NF1: variants seen among roughly 807,000 people sequenced by gnomAD.
NF1 encodes the protein neurofibromin.
NF1 carries 122 observed loss-of-function variants against 325.7 expected under a neutral mutation model. The ratio of observed to expected loss-of-function variants is 0.37; its 90% CI spans 0.32 to 0.44. NF1 has a LOEUF of 0.44. Among genes scored for constraint, NF1 ranks in the 20% least tolerant of loss-of-function variants. The pLI is 1.00. For synonymous variants in NF1, 1,091 were observed against 1,186.0 expected, an observed-to-expected ratio of 0.92 and a Z score of 1.65; for missense variants, 2,140 against 3,415.4, an observed-to-expected ratio of 0.63 and a Z score of 9.31.
intron 5 of NF1, among the ~76,000 whole-genome samples, chr17:31,170,415 G>A (rs530838718): frequency 4.6e-5 from 7 of 152,204 alleles, no homozygotes; most frequent in Non-Finnish European, 1.0e-4. Context: ...AGATTGTGAT[G>A]TTATGGTGAG....
intron 1 of NF1, among the ~76,000 whole-genome samples, chr17:31,120,218 A>G (rs1485416315): frequency 6.6e-6 from 1 of 152,178 alleles, no homozygotes; most frequent in East Asian, 1.9e-4. Context: ...CATTTTCATG[A>G]TATCGATTCT....
chr17:31,122,434 T>C (rs1189588136), intron 1 of NF1, among the ~76,000 whole-genome samples: 1 of 152,198 alleles, frequency 6.6e-6, no homozygotes, highest in African/African-American at 2.4e-5. Flanking sequence ...ATCCCAAAAG[T>C]TGTTTTGAAG....
rs374046990 is a variant in NF1 at position 31,337,635 on chromosome 17, T to C, written c.6642+53T>C. On this transcript the variant is annotated intron_variant, in intron 43 of 57. Transcript: ENST00000358273. ...AAGTTAAAATCTTTTTTTAAAAATA[T>C]GTTAATACTATATAGAAGAAATATT... is the stretch of plus-strand genomic sequence containing the variant. 7.2e-6 allele frequency: 11 copies of C among 1,521,108 alleles called. No individual in the cohort carries two copies. Among genetic ancestry groups the C allele is most frequent in the Admixed American group, 3.4e-5 (2 of 58,242 alleles). 94.2% of individuals were successfully genotyped at this position (1,521,108 alleles called of 1,614,324 possible). A position where few individuals can be genotyped will look rare whatever the true frequency, so the allele number is the denominator to read the frequency against.
At chr17:31,262,736 G>T (rs924405841) in intron 35 of NF1, among the ~76,000 whole-genome samples, 15 of 151,706 alleles carry the variant, frequency 9.9e-5, no homozygotes, top group African/African-American at 1.5e-4. Context: ...AGAATGTATG[G>T]GTATATAGTG....
chr17:31,254,821 C>T (rs1055144894), intron 31 of NF1, among the ~76,000 whole-genome samples: 8 of 151,960 alleles, frequency 5.3e-5, no homozygotes, highest in South Asian at 4.2e-4. Flanking sequence ...ACAGGTAATA[C>T]GAGCTCCTCA....
chr17:31,197,293 G>C (rs2066451417), intron 8 of NF1, among the ~76,000 whole-genome samples: 1 of 148,664 alleles, frequency 6.7e-6, no homozygotes, highest in East Asian at 2.0e-4. Context: ...TGATCTGCCC[G>C]CCTCGACCTC....
intron 8 of NF1, among the ~76,000 whole-genome samples, chr17:31,200,217 G>T (rs2066501657): frequency 8.1e-6 from 1 of 123,438 alleles, no homozygotes; most frequent in Admixed American, 8.4e-5. Context: ...ATTCAATAAA[G>T]AAAATAGAAA....
intron 14 of NF1, among the ~76,000 whole-genome samples, chr17:31,220,078 C>T (rs983317408): frequency 6.6e-6 from 1 of 152,082 alleles, no homozygotes; most frequent in Non-Finnish European, 1.5e-5. Flanking sequence ...ACTGCTAAGT[C>T]GTGTGGTAAC....
At chr17:31,122,478 C>A (rs1354741873) in intron 1 of NF1, among the ~76,000 whole-genome samples, 1 of 152,184 alleles carries the variant, frequency 6.6e-6, no homozygotes, top group Non-Finnish European at 1.5e-5. Context: ...GACCCTTCTT[C>A]CCACCCCCAC....
At chr17:31,235,823 A>G (rs765468833) in intron 28 of NF1, 51 bp downstream of exon 28, 1 of 1,612,756 alleles carries the variant, frequency 6.2e-7, no homozygotes, top group Non-Finnish European at 8.5e-7. Context: ...ATGTCAAGTA[A>G]TGATTATGTA....
intron 1 of NF1, among the ~76,000 whole-genome samples, chr17:31,130,403 G>T (rs1915267811): frequency 6.6e-6 from 1 of 152,318 alleles, no homozygotes; most frequent in African/African-American, 2.4e-5. Flanking sequence ...TGGCAGCAAG[G>T]CCACAGGGTG....
intron 1 of NF1, among the ~76,000 whole-genome samples, chr17:31,141,789 G>T (rs1183716053): frequency 6.6e-6 from 1 of 152,158 alleles, no homozygotes; most frequent in African/African-American, 2.4e-5. Flanking sequence ...CTTTACTGGG[G>T]CAGGGGATGA....
intron 36 of NF1, 144 bp from the exon 37 acceptor site, chr17:31,325,676 T>A: frequency 4.2e-6 from 3 of 712,288 alleles, no homozygotes; most frequent in Non-Finnish European, 6.8e-6. Context: ...AACAACTGAT[T>A]TAAAAAATGA....
At chr17:31,257,940 T>C in intron 31 of NF1, among the ~76,000 whole-genome samples, 1 of 152,260 alleles carries the variant, frequency 6.6e-6, no homozygotes, top group Admixed American at 6.5e-5. Flanking sequence ...TGTTGAAAAT[T>C]TAGTTTCACG....
At position 31,340,740 on chromosome 17, in the gene NF1, A is replaced by G. The variant is rs965060909; in HGVS notation, c.7062+95A>G. ...ATTCTTTTAAAATCACAAGAAGTCC[A>G]TAACTTAAGTAGGAATTTGTATAAT... On this transcript the variant is annotated intron_variant, in intron 47 of 57. Coordinates refer to ENST00000358273, the MANE Select transcript of NF1 (RefSeq NM_001042492.3). 7.0e-6 allele frequency: 9 copies of G among 1,290,962 alleles called. No homozygotes were observed. The Admixed American group carries it at 1.5e-4, about 21-fold the overall frequency. 80.0% of individuals were successfully genotyped at this position (1,290,962 alleles called of 1,614,324 possible). A position where few individuals can be genotyped will look rare whatever the true frequency, so the allele number is the denominator to read the frequency against.
chr17:31,222,442 A>G, intron 15 of NF1: 5 of 1,032,306 alleles, frequency 4.8e-6, no homozygotes, highest in Non-Finnish European at 5.8e-6. Flanking sequence ...TTTAATGAGC[A>G]TGAAGTCACC....
chr17:31,267,782 C>G (rs1597755844), intron 36 of NF1, among the ~76,000 whole-genome samples: 2 of 152,192 alleles, frequency 1.3e-5, no homozygotes, highest in African/African-American at 4.8e-5. Flanking sequence ...TCAACCTCCT[C>G]TTCACACCGT....
chr17:31,341,308 T>A (rs1440362999), intron 47 of NF1, among the ~76,000 whole-genome samples: 3 of 152,064 alleles, frequency 2.0e-5, no homozygotes, highest in Non-Finnish European at 2.9e-5. Context: ...GTGGATCAGT[T>A]GAGCTCAGGA....
intron 36 of NF1, chr17:31,295,266 G>A: frequency 1.2e-6 from 2 of 1,614,096 alleles, no homozygotes; most frequent in Non-Finnish European, 1.7e-6. Context: ...TCTTGGAGAT[G>A]AATAGTTAGA....
Sources: allele counts gnomAD v4.1 joint callset (sites outside exome capture counted in the v4.1 genomes callset), GRCh38; gene constraint gnomAD v4.1.1; transcripts MANE v1.5; gene names NCBI Gene and HGNC (gene_info 2026-07-23, HGNC 2026-07-21).